TLE2: variants seen among roughly 807,000 people sequenced by gnomAD.
TLE2 encodes the protein TLE family member 2, transcriptional corepressor, also known as transducin-like enhancer protein 2.
In TLE2, 74 loss-of-function variants were observed where a neutral mutation model predicts 97.2. The observed-to-expected ratio is 0.76, with a 90% CI of 0.63 to 0.92. The LOEUF (loss-of-function observed/expected upper bound fraction) is 0.92. Among genes scored for constraint, TLE2 ranks in the 40% least tolerant of loss-of-function variants. The pLI is 0.00. For synonymous variants in TLE2, 499 were observed against 432.1 expected, an observed-to-expected ratio of 1.15 and a Z score of -1.92; for missense variants, 1,038 against 1,008.7, an observed-to-expected ratio of 1.03 and a Z score of -0.39.
intron 19 of TLE2, among the ~76,000 whole-genome samples, chr19:3,000,371 G>C (rs921136189): frequency 6.6e-6 from 1 of 151,882 alleles, no homozygotes; most frequent in African/African-American, 2.4e-5. Flanking sequence ...GACCGTGCCC[G>C]GCTGGCAAAT....
At chr19:3,000,601 CG>C in intron 19 of TLE2, 45 bp downstream of exon 19, 1 of 1,534,094 alleles carries the variant, frequency 6.5e-7, no homozygotes, top group Non-Finnish European at 8.8e-7. Context: ...CTGGCATACC[CG>C]GGCACATGGC....
At chr19:3,013,616 C>T (rs1568238585) in intron 11 of TLE2, 53 bp downstream of exon 11, 9 of 1,325,016 alleles carry the variant, frequency 6.8e-6, no homozygotes, top group East Asian at 2.8e-5. Context: ...GCGTCTGCTT[C>T]GGGGCCCCCG....
At chr19:3,037,071 G>C (rs899343527) in intron 1 of TLE2, among the ~76,000 whole-genome samples, 3 of 152,220 alleles carry the variant, frequency 2.0e-5, no homozygotes, top group African/African-American at 7.2e-5. Context: ...GATCACCTGA[G>C]GCCAGGAGTT....
chr19:3,003,739 C>T lies in TLE2; in HGVS notation c.1897-1236G>A, dbSNP rs1041544126. ...TTTTTGAGACAGACAGGGTCTTGCT[C>T]TGTCGCCCAGGCTGGAGTGCAGTGG... On this transcript the variant is annotated intron_variant, in intron 17 of 19. Coordinates refer to ENST00000262953, the MANE Select transcript of TLE2 (RefSeq NM_003260.5). 6.7e-5 allele frequency among the ~76,000 whole-genome samples: 10 copies of T among 148,586 alleles called. No homozygotes were observed. In the East Asian group the frequency reaches 1.8e-3, roughly 27 times the overall value.
At position 3,019,166 on chromosome 19, in the gene TLE2, G is replaced by C; in HGVS notation, c.550+117C>G. ...TCCCGCCTCGGCCTCCCAAATTGTT[G>C]GGATTATAGGCATGAGCCACTTCAT... On this transcript the variant is annotated intron_variant, in intron 7 of 19. Coordinates refer to ENST00000262953, the MANE Select transcript of TLE2 (RefSeq NM_003260.5). The surrounding 1 kb of genome is among the most constrained non-coding windows in gnomAD (Gnocchi z 5.1). 1 of 1,402,658 alleles carries C rather than the reference G, an allele frequency of 7.1e-7. No homozygotes were observed. The highest frequency in any genetic ancestry group is 9.5e-7 in the Non-Finnish European group (1 of 1,048,662). The allele number at this position is 1,402,658 out of a possible 1,614,324, so 86.9% of individuals were successfully genotyped here. A position where few individuals can be genotyped will look rare whatever the true frequency, so the allele number is the denominator to read the frequency against.
At chr19:3,031,951 G>A (rs539215197), upstream of TLE2, among the ~76,000 whole-genome samples, 81 of 151,966 alleles carry the variant, frequency 5.3e-4, no homozygotes, top group African/African-American at 1.7e-3. Context: ...TTTTTGAGAC[G>A]GAGTCTTGCT....
chr19:3,032,997 G>A (rs1368856372), upstream of TLE2, among the ~76,000 whole-genome samples: 4 of 147,914 alleles, frequency 2.7e-5, no homozygotes, highest in Non-Finnish European at 4.5e-5. The surrounding 1 kb of genome is among the most constrained non-coding windows in gnomAD (Gnocchi z 4.1). Context: ...GCAGTGGCAC[G>A]ATCTCGGCTC....
At chr19:3,021,121 G>T (rs1050869858) in intron 5 of TLE2, among the ~76,000 whole-genome samples, 1 of 134,616 alleles carries the variant, frequency 7.4e-6, no homozygotes, top group African/African-American at 2.8e-5. Context: ...AAAAGGGGGG[G>T]GGGTGCTGAG....
intron 11 of TLE2, 80 bp from the exon 12 acceptor site, chr19:3,011,240 G>T: frequency 2.1e-6 from 3 of 1,449,814 alleles, no homozygotes; most frequent in East Asian, 2.5e-5. Context: ...AACTGGGGTT[G>T]GGGGCGGCCA....
At chr19:2,998,292 T>TG (rs1568227455) in intron 19 of TLE2, among the ~76,000 whole-genome samples, 26 of 148,340 alleles carry the variant, frequency 1.8e-4, no homozygotes, top group South Asian at 1.3e-3. Flanking sequence ...TTTTTTTTTT[T>TG]TGTGAGACAG....
chr19:3,029,563 GGGGGGGCTTGCGGGGAGCGGGGA>G, upstream of TLE2: 1 of 521,414 alleles, frequency 1.9e-6, no homozygotes, highest in Non-Finnish European at 2.4e-6. Context: ...GGGAGCGGGG[GGGGGGGCTTGCGGGGAGCGGGGA>G]CCAGTCTGGA....
At chr19:3,022,507 C>T (rs1275691767) in intron 5 of TLE2, among the ~76,000 whole-genome samples, 2 of 147,742 alleles carry the variant, frequency 1.4e-5, no homozygotes, top group African/African-American at 5.0e-5. Context: ...CCAGCCCGGG[C>T]GACAGAGCAA....
intron 5 of TLE2, among the ~76,000 whole-genome samples, chr19:3,023,571 C>A (rs1269243259): frequency 6.6e-6 from 1 of 152,136 alleles, no homozygotes; most frequent in Admixed American, 6.6e-5. Flanking sequence ...TTTCACGTCT[C>A]TCTGAAGAGA....
At chr19:3,037,386 C>T (rs544798660) in intron 1 of TLE2, among the ~76,000 whole-genome samples, 60 of 152,340 alleles carry the variant, frequency 3.9e-4, no homozygotes, top group Non-Finnish European at 8.8e-5. Flanking sequence ...TTGAGCAGTG[C>T]CTTTAGATTA....
At chr19:3,036,373 C>T (rs1024860074) in intron 1 of TLE2, among the ~76,000 whole-genome samples, 1 of 152,252 alleles carries the variant, frequency 6.6e-6, no homozygotes, top group Non-Finnish European at 1.5e-5. Flanking sequence ...CCGCCAGCTC[C>T]CGCTCCCTCC....
At chr19:3,000,781 G>A in intron 18 of TLE2, 58 bp from the exon 19 acceptor site, 1 of 1,386,978 alleles carries the variant, frequency 7.2e-7, no homozygotes, top group Non-Finnish European at 1.0e-6. Flanking sequence ...GACCCGGGCT[G>A]CAGGGGGAGG....
chr19:3,007,719 C>A (rs546103319), intron 14 of TLE2, among the ~76,000 whole-genome samples: 1 of 152,168 alleles, frequency 6.6e-6, no homozygotes, highest in South Asian at 2.1e-4. Context: ...TGTTCCAGAC[C>A]AGCTAGAGGG....
chr19:3,023,604 G>A (rs1340290610), intron 5 of TLE2, among the ~76,000 whole-genome samples: 1 of 152,102 alleles, frequency 6.6e-6, no homozygotes, highest in African/African-American at 2.4e-5. Context: ...CAGAAACAGG[G>A]ACAGTGCAGG....
intron 10 of TLE2, 56 bp downstream of exon 10, chr19:3,014,514 A>G (rs1192534206): frequency 6.9e-7 from 1 of 1,458,908 alleles, no homozygotes; most frequent in East Asian, 2.7e-5. Context: ...AGTCCAGAAA[A>G]CCCACCCCTT....
Sources: allele counts gnomAD v4.1 joint callset (sites outside exome capture counted in the v4.1 genomes callset), GRCh38; gene constraint gnomAD v4.1.1; non-coding constraint Gnocchi (gnomAD v3.1); transcripts MANE v1.5; gene names NCBI Gene and HGNC (gene_info 2026-07-23, HGNC 2026-07-21).